The following MAN1C1 variants were observed in gnomAD, a reference collection of about 807,000 sequenced individuals.
MAN1C1 encodes the protein mannosyl-oligosaccharide 1,2-alpha-mannosidase IC.
MAN1C1 carries 49 observed loss-of-function variants against 71.5 expected under a neutral mutation model. The ratio of observed to expected loss-of-function variants is 0.69; its 90% CI spans 0.54 to 0.87. The LOEUF is 0.87. Among genes scored for constraint, MAN1C1 ranks in the 40% least tolerant of loss-of-function variants. MAN1C1 has a pLI of 0.00. For missense variants in MAN1C1, 743 were observed against 835.0 expected (o/e 0.89, Z 1.36); for synonymous variants, 352 against 343.7 (o/e 1.02, Z -0.27).
At chr1:25,732,071 G>A (rs951613111) in intron 2 of MAN1C1, among the ~76,000 whole-genome samples, 2 of 152,134 alleles carry the variant, frequency 1.3e-5, no homozygotes, top group African/African-American at 4.8e-5. Context: ...CCAGAATGGT[G>A]TAGGTAAGAA....
At chr1:25,757,509 G>T (rs375836916) in intron 5 of MAN1C1, among the ~76,000 whole-genome samples, 1 of 132,362 alleles carries the variant, frequency 7.6e-6, no homozygotes, top group Non-Finnish European at 1.7e-5. Flanking sequence ...ACGGGGGGGG[G>T]GGGCAGCTTG....
At chr1:25,648,275 A>G (rs1572119241) in intron 1 of MAN1C1, among the ~76,000 whole-genome samples, 1 of 152,324 alleles carries the variant, frequency 6.6e-6, no homozygotes, top group African/African-American at 2.4e-5. Context: ...AAGTTCCATG[A>G]TTAGGAAGAG....
chr1:25,621,776 G>A (rs1195434410), intron 1 of MAN1C1, among the ~76,000 whole-genome samples: 2 of 151,912 alleles, frequency 1.3e-5, no homozygotes, highest in Admixed American at 1.3e-4. Context: ...GATTCCAGGC[G>A]CCCCACCACA....
intron 1 of MAN1C1, among the ~76,000 whole-genome samples, chr1:25,663,250 C>A (rs1031719744): frequency 1.3e-5 from 2 of 150,318 alleles, no homozygotes; most frequent in African/African-American, 2.4e-5. Flanking sequence ...GCAGACACAC[C>A]TCCTATTCCT....
intron 5 of MAN1C1, among the ~76,000 whole-genome samples, chr1:25,756,652 T>C (rs544115513): frequency 6.6e-6 from 1 of 152,260 alleles, no homozygotes; most frequent in African/African-American, 2.4e-5. Flanking sequence ...CACCTCTCTC[T>C]TTCCCTCTGG....
chr1:25,771,666 C>T lies in MAN1C1; in HGVS notation c.1151C>T (p.Ser384Leu), dbSNP rs1198163529. 1 of 1,612,748 alleles carries T rather than the reference C, an allele frequency of 6.2e-7. No individual in the cohort carries two copies. The highest frequency in any genetic ancestry group is 1.3e-5 in the African/African-American group (1 of 74,904). Reference sequence around the variant, plus strand: ...CTCTTTCCCTTCACAGACCATGTCTCAGTTGGAGGACTCGGGGACAGTTTT... The same window carrying T: ...CTCTTTCCCTTCACAGACCATGTCTTAGTTGGAGGACTCGGGGACAGTTTT... ...VSGNWVQHHV[S>L]VGGLGDSFYE... The change falls in exon 8 of 12, where the codon TCA becomes TTA. Residue 384 changes from serine to leucine, a missense_variant. Physicochemically the swap from Ser to Leu is moderately radical, Grantham distance 145 (BLOSUM62 -2). Coordinates refer to ENST00000374332, the MANE Select transcript of MAN1C1 (RefSeq NM_020379.4).
At chr1:25,656,095 C>CTTTTTGTTTTTTTTTT (rs2045761161) in intron 1 of MAN1C1, among the ~76,000 whole-genome samples, 1 of 74,988 alleles carries the variant, frequency 1.3e-5, no homozygotes, top group African/African-American at 8.2e-5. Context: ...GATTATCAGT[C>CTTTTTGTTTTTTTTTT]TTTTTTTTTT....
intron 5 of MAN1C1, among the ~76,000 whole-genome samples, chr1:25,754,543 G>T (rs1048934000): frequency 6.6e-6 from 1 of 152,040 alleles, no homozygotes; most frequent in Non-Finnish European, 1.5e-5. Flanking sequence ...CAGGGAGGGG[G>T]GTGCTCTCGG....
intron 2 of MAN1C1, among the ~76,000 whole-genome samples, chr1:25,691,391 T>C (rs930691030): frequency 6.6e-6 from 1 of 152,218 alleles, no homozygotes; most frequent in African/African-American, 2.4e-5. Context: ...GCTTTGCCAC[T>C]GCATGACCTT....
intron 9 of MAN1C1, 92 bp from the exon 10 acceptor site, chr1:25,780,848 C>A: frequency 7.2e-7 from 1 of 1,380,848 alleles, no homozygotes; most frequent in Non-Finnish European, 1.0e-6. Context: ...TCACCCTGGC[C>A]GCGGGTTCAA....
chr1:25,639,819 T>G (rs1474840368), intron 1 of MAN1C1, among the ~76,000 whole-genome samples: 1 of 152,186 alleles, frequency 6.6e-6, no homozygotes, highest in African/African-American at 2.4e-5. Context: ...GAGACAACAG[T>G]TCTCCAAAGG....
intron 2 of MAN1C1, among the ~76,000 whole-genome samples, chr1:25,738,893 G>A (rs1260940339): frequency 6.6e-6 from 1 of 152,178 alleles, no homozygotes; most frequent in Non-Finnish European, 1.5e-5. Flanking sequence ...CAGGCACAGT[G>A]GCTCACACCT....
chr1:25,733,805 T>A (rs924075703), intron 2 of MAN1C1, among the ~76,000 whole-genome samples: 3 of 151,386 alleles, frequency 2.0e-5, no homozygotes, highest in African/African-American at 7.3e-5. Context: ...TATTTTTATT[T>A]TTATTTTTTT....
chr1:25,629,475 A>T (rs2045348209), intron 1 of MAN1C1, among the ~76,000 whole-genome samples: 2 of 152,070 alleles, frequency 1.3e-5, no homozygotes, highest in African/African-American at 4.8e-5. Context: ...TCCCTCCGTC[A>T]CTCAGGCTGG....
intron 2 of MAN1C1, among the ~76,000 whole-genome samples, chr1:25,691,890 C>T (rs2046314372): frequency 6.6e-6 from 1 of 151,942 alleles, no homozygotes; most frequent in Non-Finnish European, 1.5e-5. Context: ...GGTCAGCTGG[C>T]CAGCCTTGAA....
Position 25,753,578 on chromosome 1 carries a change from G to T in MAN1C1, c.929G>T (p.Ser310Ile), listed in dbSNP as rs1048872554. 2 of 1,613,012 alleles carry T rather than the reference G, an allele frequency of 1.2e-6. No homozygotes were observed. The highest frequency in any genetic ancestry group is 1.3e-5 in the African/African-American group (1 of 74,898). ...GIPKGVVSFK[S>I]GNWGWATAGS... ...CCAAAGGGCGTGGTGAGCTTCAAAA[G>T]GTAGGGCGCCATCGCGTTCCCCACT... Residue 310 changes from serine to isoleucine, a missense_variant and splice_region_variant, in exon 5 of 12, where the codon AGT (serine) becomes ATT (isoleucine). By Grantham distance (142) the Ser-to-Ile change is moderately radical. Coordinates refer to ENST00000374332, the MANE Select transcript of MAN1C1 (RefSeq NM_020379.4). The surrounding 1 kb of genome is among the most constrained non-coding windows in gnomAD (Gnocchi z 4.9).
At chr1:25,630,209 A>T (rs1445934548) in intron 1 of MAN1C1, among the ~76,000 whole-genome samples, 2 of 152,106 alleles carry the variant, frequency 1.3e-5, no homozygotes, top group Non-Finnish European at 2.9e-5. Context: ...CGTTGGTTGT[A>T]AATATTTGGC....
rs374855657 is a variant in MAN1C1 at position 25,783,913 on chromosome 1, C to A, written c.*124C>A. ...TCGGGCAGACCCCCAGCAGATGTGT[C>A]GGACAAGCAACTTCTTTTCCTCTGT... is the stretch of plus-strand genomic sequence containing the variant. On this transcript the variant is annotated 3_prime_UTR_variant, in exon 12 of 12. Coordinates refer to ENST00000374332, the MANE Select transcript of MAN1C1 (RefSeq NM_020379.4). 2.3e-6 allele frequency: 3 copies of A among 1,288,926 alleles called. No individual in the cohort carries two copies. The highest frequency in any genetic ancestry group is 3.1e-6 in the Non-Finnish European group (3 of 955,174). The allele number at this position is 1,288,926 out of a possible 1,614,324, so 79.8% of individuals were successfully genotyped here.
At chr1:25,646,842 C>T (rs745902294) in intron 1 of MAN1C1, among the ~76,000 whole-genome samples, 6 of 152,118 alleles carry the variant, frequency 3.9e-5, no homozygotes, top group Non-Finnish European at 5.9e-5. Context: ...GGATTGTTTC[C>T]ACCTTTGGGC....
Sources: allele counts gnomAD v4.1 joint callset (sites outside exome capture counted in the v4.1 genomes callset), GRCh38; gene constraint gnomAD v4.1.1; non-coding constraint Gnocchi (gnomAD v3.1); transcripts MANE v1.5; gene names NCBI Gene and HGNC (gene_info 2026-07-23, HGNC 2026-07-21).